RPS6KA2: variants seen among roughly 807,000 people sequenced by gnomAD.
RPS6KA2 encodes the protein ribosomal protein S6 kinase alpha-2.
In RPS6KA2, 42 loss-of-function variants were observed where a neutral mutation model predicts 91.8. The observed-to-expected ratio is 0.46, with a 90% CI of 0.36 to 0.59. The LOEUF is 0.59. Among genes scored for constraint, RPS6KA2 ranks in the 20% least tolerant of loss-of-function variants. RPS6KA2 has a pLI of 0.00. For missense variants in RPS6KA2, 798 were observed against 978.5 expected, an observed-to-expected ratio of 0.82 and a Z score of 2.46; for synonymous variants, 414 against 393.6, an observed-to-expected ratio of 1.05 and a Z score of -0.61.
At chr6:166,534,709 T>C (rs1039806059) in intron 2 of RPS6KA2, among the ~76,000 whole-genome samples, 1 of 152,244 alleles carries the variant, frequency 6.6e-6, no homozygotes, top group Non-Finnish European at 1.5e-5. Context: ...TGGCTAATGT[T>C]CATACTTATC....
chr6:166,837,346 C>G (rs1369112075), intron 2 of RPS6KA2, among the ~76,000 whole-genome samples: 10 of 152,252 alleles, frequency 6.6e-5, no homozygotes, highest in African/African-American at 1.9e-4. Context: ...AGAGGCCACA[C>G]TGCAGTTTTC....
chr6:166,424,082 C>G (rs1778826807), intron 16 of RPS6KA2: 2 of 152,304 alleles, frequency 1.3e-5, no homozygotes, highest in Non-Finnish European at 2.9e-5. Context: ...TGTGGCGTGC[C>G]TTTGTACAGC....
Position 166,716,046 on chromosome 6 carries a change from A to AGG in RPS6KA2, c.123+142153_123+142154insCC, listed in dbSNP as rs1434266785. Among the ~76,000 whole-genome samples the AGG allele has an allele frequency of 7.0e-4, 58 of 82,542 alleles. 2 individuals carry two copies. Among genetic ancestry groups the AGG allele is most frequent in the African/African-American group, 3.0e-3 (58 of 19,326 alleles). 54.2% of individuals were successfully genotyped at this position (82,542 alleles called of 152,430 possible). A position where few individuals can be genotyped will look rare whatever the true frequency, so the allele number is the denominator to read the frequency against. On this transcript the variant is annotated intron_variant, in intron 2 of 21. Transcript: ENST00000503859. ...GAGTGAGACTCCATCAAAAAAAAAA[A>AGG]AAAAAAAAAAAAAAAGAAGGAAAGA...
rs1034919557 is a variant in RPS6KA2 at position 166,683,918 on chromosome 6, G to A, written c.124-145134C>T. On this transcript the variant is annotated intron_variant, in intron 2 of 21. Coordinates refer to the RPS6KA2 transcript ENST00000503859. ...CCCCAGGCAGGCCTACAACAGCCAC[G>A]GCACCTCCCCTTCCCTTCTCAGGAC... 7.2e-5 allele frequency among the ~76,000 whole-genome samples: 11 copies of A among 152,206 alleles called. 1 individual carries two copies. The highest frequency in any genetic ancestry group is 6.2e-4 in the South Asian group (3 of 4,824).
intron 12 of RPS6KA2, among the ~76,000 whole-genome samples, chr6:166,453,547 T>C (rs1159570685): frequency 6.6e-6 from 1 of 152,172 alleles, no homozygotes; most frequent in East Asian, 1.9e-4. Context: ...TCAGAATGGC[T>C]ATTACTAAAA....
intron 19 of RPS6KA2, among the ~76,000 whole-genome samples, chr6:166,415,999 C>CACCCTCGCCATCCTTT (rs1778491637): frequency 1.5e-5 from 1 of 67,956 alleles, no homozygotes; most frequent in African/African-American, 5.1e-5. Context: ...TCACCATCCT[C>CACCCTCGCCATCCTTT]CTCCATCACC....
chr6:166,609,117 T>C (rs1006569170), intron 1 of RPS6KA2, among the ~76,000 whole-genome samples: 2 of 151,996 alleles, frequency 1.3e-5, no homozygotes, highest in Non-Finnish European at 1.5e-5. Flanking sequence ...AGTAAGGAGG[T>C]TGTGACTCAG....
intron 14 of RPS6KA2, among the ~76,000 whole-genome samples, chr6:166,440,786 G>A (rs957021156): frequency 6.6e-6 from 1 of 152,190 alleles, no homozygotes; most frequent in Non-Finnish European, 1.5e-5. Context: ...ATACTAGAGC[G>A]GTGCAAAAAT....
At chr6:166,606,836 C>T (rs1785970573) in intron 1 of RPS6KA2, among the ~76,000 whole-genome samples, 1 of 152,036 alleles carries the variant, frequency 6.6e-6, no homozygotes, top group Non-Finnish European at 1.5e-5. Flanking sequence ...TGAACAATAA[C>T]AAGTGGGGAA....
chr6:166,512,094 C>CACACAT (rs1295701496), intron 3 of RPS6KA2, among the ~76,000 whole-genome samples: 1 of 152,088 alleles, frequency 6.6e-6, no homozygotes, highest in Non-Finnish European at 1.5e-5. Flanking sequence ...TAAATACACA[C>CACACAT]ACACATACAC....
At chr6:166,455,211 G>A (rs1780060044) in intron 12 of RPS6KA2, among the ~76,000 whole-genome samples, 1 of 152,116 alleles carries the variant, frequency 6.6e-6, no homozygotes, top group Non-Finnish European at 1.5e-5. Flanking sequence ...GGTGTGTGGG[G>A]GTGGGAGGCA....
intron 12 of RPS6KA2, among the ~76,000 whole-genome samples, chr6:166,456,023 T>G (rs1263627401): frequency 4.0e-5 from 6 of 151,882 alleles, no homozygotes; most frequent in Admixed American, 3.9e-4. Context: ...TGTGCGGGGG[T>G]GGGGGCACAG....
At chr6:166,489,360 T>C (rs570224092) in intron 9 of RPS6KA2, among the ~76,000 whole-genome samples, 15 of 152,356 alleles carry the variant, frequency 9.8e-5, no homozygotes, top group Non-Finnish European at 1.8e-4. Flanking sequence ...TCCTGGCTCA[T>C]AGGAGACAGC....
intron 1 of RPS6KA2, among the ~76,000 whole-genome samples, chr6:166,578,797 C>T (rs1355439177): frequency 1.3e-5 from 2 of 152,210 alleles, no homozygotes; most frequent in Admixed American, 6.5e-5. Context: ...GGTCTTCCAC[C>T]ATGCGCCTCG....
chr6:166,579,606 A>G (rs1784943265), intron 1 of RPS6KA2, among the ~76,000 whole-genome samples: 1 of 152,242 alleles, frequency 6.6e-6, no homozygotes, highest in African/African-American at 2.4e-5. Flanking sequence ...CTACGTCACC[A>G]TGAAACTGGT....
intron 2 of RPS6KA2, among the ~76,000 whole-genome samples, chr6:166,636,338 C>T (rs1387408269): frequency 6.6e-6 from 1 of 152,088 alleles, no homozygotes; most frequent in Non-Finnish European, 1.5e-5. Flanking sequence ...GAATCAGCGC[C>T]TCCCTGCAGA....
chr6:166,615,633 C>G (rs1284476677), intron 1 of RPS6KA2, among the ~76,000 whole-genome samples: 2 of 152,166 alleles, frequency 1.3e-5, no homozygotes, highest in African/African-American at 4.8e-5. Flanking sequence ...TGTGCTCGCT[C>G]CGCTCATACC....
chr6:166,674,809 C>G (rs1788573446), intron 2 of RPS6KA2, among the ~76,000 whole-genome samples: 1 of 152,158 alleles, frequency 6.6e-6, no homozygotes, highest in Non-Finnish European at 1.5e-5. Context: ...GCTGGGATTA[C>G]AGGCCCCTGC....
At chr6:166,594,553 C>T (rs1374333104) in intron 1 of RPS6KA2, among the ~76,000 whole-genome samples, 1 of 152,182 alleles carries the variant, frequency 6.6e-6, no homozygotes, top group Non-Finnish European at 1.5e-5. Flanking sequence ...AGCTCTGCCT[C>T]CCGGGTTCAC....
Sources: allele counts gnomAD v4.1 joint callset (sites outside exome capture counted in the v4.1 genomes callset), GRCh38; gene constraint gnomAD v4.1.1; transcripts MANE v1.5; gene names NCBI Gene and HGNC (gene_info 2026-07-23, HGNC 2026-07-21).